The following ZBTB40 variants were observed in gnomAD, a reference collection of about 807,000 sequenced individuals.
ZBTB40 encodes the protein zinc finger and BTB domain containing 40.
Under a neutral mutation model 117.5 loss-of-function variants are expected in ZBTB40, and 60 were observed. The ratio of observed to expected loss-of-function variants is 0.51; its 90% CI spans 0.41 to 0.63. The LOEUF is 0.63. Among genes scored for constraint, ZBTB40 ranks in the 30% least tolerant of loss-of-function variants. ZBTB40 has a pLI of 0.00. For missense variants in ZBTB40, 1,287 were observed against 1,498.5 expected (o/e 0.86, Z 2.33); for synonymous variants, 525 against 577.1 (o/e 0.91, Z 1.29).
chr1:22,459,769 A>G (rs1214069589), intron 1 of ZBTB40, among the ~76,000 whole-genome samples: 1 of 151,694 alleles, frequency 6.6e-6, no homozygotes, highest in African/African-American at 2.4e-5. Flanking sequence ...GGATTGTGTT[A>G]CATTTTATAA....
chr1:22,469,572 T>A (rs991304077), intron 1 of ZBTB40, among the ~76,000 whole-genome samples: 2 of 152,190 alleles, frequency 1.3e-5, no homozygotes, highest in African/African-American at 2.4e-5. Context: ...TGTTTTTTTT[T>A]ATGAGACGGA....
At chr1:22,463,968 A>AGT (rs1235431470) in intron 1 of ZBTB40, among the ~76,000 whole-genome samples, 1 of 152,244 alleles carries the variant, frequency 6.6e-6, no homozygotes, top group East Asian at 1.9e-4. Flanking sequence ...AAACATTTCT[A>AGT]GTGGTCCTTA....
rs1639161898 is a variant in ZBTB40 at position 22,509,181 on chromosome 1, AG to A, written c.1782del (p.Glu594AspfsTer16). 5 of 1,614,020 alleles carry A rather than the reference AG, an allele frequency of 3.1e-6. No individual in the cohort carries two copies. The South Asian group carries it at 5.5e-5, about 18-fold the overall frequency. On this transcript the variant is annotated frameshift_variant, in exon 9 of 18. Transcript: ENST00000375647. LOFTEE classifies it high-confidence loss of function. ...TTGGAGGCCATCCAACAGAAGATTG[AG>A]TACAAGCTCTTTACCTCGGAGGAGG... ...LILEAIQQKI[E>X]YKLFTSEEEH...
At chr1:22,517,801 G>A (rs1378612804) in intron 13 of ZBTB40, among the ~76,000 whole-genome samples, 1 of 121,952 alleles carries the variant, frequency 8.2e-6, no homozygotes, top group Non-Finnish European at 1.7e-5. Context: ...TTTCCATTAG[G>A]CCATCTTCCA....
chr1:22,522,497 A>C, intron 16 of ZBTB40, 34 bp downstream of exon 16: 1 of 1,607,770 alleles, frequency 6.2e-7, no homozygotes, highest in Non-Finnish European at 8.5e-7. Context: ...TCTAGGCTAG[A>C]CTCGGGGCCT....
chr1:22,432,508 T>G (rs925431663), intron 1 of ZBTB40, among the ~76,000 whole-genome samples: 3 of 152,216 alleles, frequency 2.0e-5, no homozygotes, highest in Non-Finnish European at 2.9e-5. Context: ...GAAGTAAAAT[T>G]AAAAATTCAG....
intron 1 of ZBTB40, among the ~76,000 whole-genome samples, chr1:22,480,096 G>A (rs1213280036): frequency 2.6e-5 from 4 of 152,202 alleles, no homozygotes; most frequent in African/African-American, 4.8e-5. Flanking sequence ...TAGTAGAGAC[G>A]GTGTTTCGCC....
rs774262628 is a variant in ZBTB40, at chr1:22,491,435, C to T, written c.733C>T (p.Leu245=). The change falls in exon 3 of 18, where the codon CTA becomes TTA. Residue 245 remains leucine (L), a synonymous_variant. Coordinates refer to ENST00000375647, the MANE Select transcript of ZBTB40 (RefSeq NM_014870.4). ...ERKHYQLNFL[L]ENEGVFSDAL... ...GAAACACTACCAGCTGAATTTTCTT[C>T]TAGAAAATGAAGGTGTCTTCTCAGA... 40 of 1,613,734 alleles carry T rather than the reference C, an allele frequency of 2.5e-5. No homozygotes were observed. The highest frequency in any genetic ancestry group is 3.2e-5 in the Non-Finnish European group (38 of 1,179,842).
rs1161027290 is a variant in ZBTB40 at position 22,491,267 on chromosome 1, T to C, written c.698-133T>C. 11 of 890,238 alleles carry C rather than the reference T, an allele frequency of 1.2e-5. No homozygotes were observed. The East Asian group carries it at 2.9e-4, about 23-fold the overall frequency. The allele number at this position is 890,238 out of a possible 1,614,324, so 55.1% of individuals were successfully genotyped here. The stretch of plus-strand genomic sequence containing the variant: ...CTGTGAGAGATACTGTTGTCTGTTA[T>C]TCATAACTGATGTGCTAGACAGAGA... On this transcript the variant is annotated intron_variant, in intron 2 of 17. Transcript: ENST00000375647.
At chr1:22,506,765 G>A (rs922829069) in intron 6 of ZBTB40, among the ~76,000 whole-genome samples, 1 of 152,164 alleles carries the variant, frequency 6.6e-6, no homozygotes, top group Non-Finnish European at 1.5e-5. Flanking sequence ...TTAGGACTCA[G>A]ATGGTTTTCA....
intron 1 of ZBTB40, among the ~76,000 whole-genome samples, chr1:22,444,875 T>C (rs1640771128): frequency 1.3e-5 from 2 of 152,216 alleles, no homozygotes; most frequent in Admixed American, 6.5e-5. Context: ...TCCTTCCTGC[T>C]CTAAAACTTT....
chr1:22,484,034 T>C (rs1381331847), intron 1 of ZBTB40, among the ~76,000 whole-genome samples: 1 of 152,212 alleles, frequency 6.6e-6, no homozygotes, highest in Non-Finnish European at 1.5e-5. Context: ...GTGCCTTTGC[T>C]CCTTTGTCAA....
At chr1:22,469,783 T>A (rs1319489486) in intron 1 of ZBTB40, among the ~76,000 whole-genome samples, 1 of 152,104 alleles carries the variant, frequency 6.6e-6, no homozygotes, top group Non-Finnish European at 1.5e-5. Context: ...AATGACCGCC[T>A]GCCTTGGCCT....
chr1:22,490,635 C>T lies in ZBTB40; in HGVS notation c.687C>T (p.Ser229=). ...CCTTTAGTGAGGCAAAGAAGACAAGCACAGAACCAGGTAACAGTCATTGTT... is the reference window on the plus strand; with the variant it reads ...CCTTTAGTGAGGCAAAGAAGACAAGTACAGAACCAGGTAACAGTCATTGTT... The part of the protein sequence containing the change: ...VQTFSEAKKT[S]TEPGCERKHY... The change falls in exon 2 of 18, where the codon AGC becomes AGT. Residue 229 remains serine (S), a synonymous_variant. Transcript: ENST00000375647. 3 of 1,613,440 alleles carry T rather than the reference C, an allele frequency of 1.9e-6. No homozygotes were observed. Among genetic ancestry groups the T allele is most frequent in the Middle Eastern group, 1.6e-4 (1 of 6,062 alleles).
At chr1:22,475,095 C>G (rs1641523897) in intron 1 of ZBTB40, among the ~76,000 whole-genome samples, 1 of 152,158 alleles carries the variant, frequency 6.6e-6, no homozygotes, top group Non-Finnish European at 1.5e-5. Context: ...ACTTTTCTCT[C>G]TTGGATATTG....
At chr1:22,494,087 A>G (rs1342323703) in intron 3 of ZBTB40, among the ~76,000 whole-genome samples, 1 of 152,202 alleles carries the variant, frequency 6.6e-6, no homozygotes, top group Non-Finnish European at 1.5e-5. Flanking sequence ...GTAGGAGGTC[A>G]GTAGGTAACA....
intron 1 of ZBTB40, among the ~76,000 whole-genome samples, chr1:22,438,341 AT>A (rs1257876884): frequency 6.6e-6 from 1 of 152,188 alleles, no homozygotes; most frequent in Non-Finnish European, 1.5e-5. Flanking sequence ...CCATTGTAGC[AT>A]ATTGCAGAAT....
intron 1 of ZBTB40, among the ~76,000 whole-genome samples, chr1:22,464,070 A>T (rs1157915406): frequency 6.6e-6 from 1 of 152,222 alleles, no homozygotes; most frequent in Admixed American, 6.5e-5. Context: ...CTAATTATTG[A>T]GCACTTGCTA....
chr1:22,441,515 TCAC>T (rs1239474397), intron 1 of ZBTB40, among the ~76,000 whole-genome samples: 6 of 145,144 alleles, frequency 4.1e-5, no homozygotes, highest in Admixed American at 2.1e-4. Context: ...TCTCATTCTG[TCAC>T]CCAGGTTGGA....
Sources: allele counts gnomAD v4.1 joint callset (sites outside exome capture counted in the v4.1 genomes callset), GRCh38; gene constraint gnomAD v4.1.1; transcripts MANE v1.5; gene names NCBI Gene and HGNC (gene_info 2026-07-23, HGNC 2026-07-21).